PPP2R5C: variants seen among roughly 807,000 people sequenced by gnomAD.
The protein encoded by PPP2R5C is serine/threonine-protein phosphatase 2A 56 kDa regulatory subunit gamma isoform.
A neutral mutation model predicts 68.9 loss-of-function variants in PPP2R5C; 7 were observed. The observed-to-expected ratio is 0.10, with a 90% CI of 0.06 to 0.19. The LOEUF is 0.19. Ranked by LOEUF, PPP2R5C falls within the 10% of genes least tolerant of loss-of-function variation. The probability of loss-of-function intolerance (pLI) is 1.00; values close to 1 mark genes in which losing one functional copy is unlikely to be tolerated. For synonymous variants in PPP2R5C, 210 were observed against 222.2 expected (o/e 0.95, Z 0.49); for missense variants, 348 against 641.3 (o/e 0.54, Z 4.94).
chr14:101,884,370 A>T (rs1335472009), intron 5 of PPP2R5C, among the ~76,000 whole-genome samples: 1 of 152,176 alleles, frequency 6.6e-6, no homozygotes, highest in Non-Finnish European at 1.5e-5. Flanking sequence ...CAGGCACAAT[A>T]CTTTGCATCC....
intron 1 of PPP2R5C, among the ~76,000 whole-genome samples, chr14:101,822,328 A>ACAC (rs2040135380): frequency 1.3e-5 from 2 of 152,184 alleles, no homozygotes; most frequent in African/African-American, 4.8e-5. Context: ...AAAGAGAAAA[A>ACAC]CACGAACGAG....
At chr14:101,788,069 ACTC>A (rs2038201619) in intron 3 of PPP2R5C, among the ~76,000 whole-genome samples, 1 of 152,066 alleles carries the variant, frequency 6.6e-6, no homozygotes, top group Non-Finnish European at 1.5e-5. Flanking sequence ...ATAGGTATCA[ACTC>A]CTCCTTCCAG....
intron 1 of PPP2R5C, among the ~76,000 whole-genome samples, chr14:101,815,162 C>T (rs1001633230): frequency 6.6e-6 from 1 of 151,768 alleles, no homozygotes; most frequent in African/African-American, 2.4e-5. Context: ...CCTTTTTTGT[C>T]CCCCCGGGAG....
At chr14:101,794,138 G>T (rs1219607191) in intron 3 of PPP2R5C, among the ~76,000 whole-genome samples, 1 of 152,184 alleles carries the variant, frequency 6.6e-6, no homozygotes, top group African/African-American at 2.4e-5. Flanking sequence ...AGGCTTTTCG[G>T]CTTGAGGCTA....
chr14:101,884,404 C>G (rs1377584501), intron 5 of PPP2R5C, among the ~76,000 whole-genome samples: 1 of 152,230 alleles, frequency 6.6e-6, no homozygotes, highest in African/African-American at 2.4e-5. Context: ...AGTTGACACT[C>G]AGTATTAACC....
At chr14:101,922,247 G>A in intron 13 of PPP2R5C, 1 of 947,272 alleles carries the variant, frequency 1.1e-6, no homozygotes, top group Non-Finnish European at 1.3e-6. Flanking sequence ...CCAGCACTTT[G>A]GGAGGCCGAG....
chr14:101,774,228 G>T (rs972298570), intron 2 of PPP2R5C, among the ~76,000 whole-genome samples: 1 of 152,230 alleles, frequency 6.6e-6, no homozygotes, highest in Non-Finnish European at 1.5e-5. Context: ...TGCTTTAGAG[G>T]CCTTGGCTGG....
intron 1 of PPP2R5C, among the ~76,000 whole-genome samples, chr14:101,838,023 CTTAGAG>C (rs1443911108): frequency 6.6e-6 from 1 of 152,128 alleles, no homozygotes; most frequent in African/African-American, 2.4e-5. Flanking sequence ...AAGGTAATGG[CTTAGAG>C]TTAATGTGTA....
At chr14:101,771,025 C>T (rs1214416246) in intron 2 of PPP2R5C, among the ~76,000 whole-genome samples, 2 of 152,242 alleles carry the variant, frequency 1.3e-5, no homozygotes, top group Admixed American at 6.5e-5. Context: ...TCACCTCACA[C>T]GTTCCTATCA....
chr14:101,774,037 G>A (rs766602028), intron 2 of PPP2R5C, among the ~76,000 whole-genome samples: 1 of 152,222 alleles, frequency 6.6e-6, no homozygotes, highest in Non-Finnish European at 1.5e-5. Flanking sequence ...AAGCCACTGG[G>A]GTGTTTTGAG....
intron 3 of PPP2R5C, among the ~76,000 whole-genome samples, chr14:101,788,800 A>G (rs1425243695): frequency 6.6e-6 from 1 of 152,232 alleles, no homozygotes; most frequent in Non-Finnish European, 1.5e-5. Context: ...GATTGGAATT[A>G]AAGTTATATA....
intron 13 of PPP2R5C, among the ~76,000 whole-genome samples, chr14:101,919,054 G>GC (rs1224723484): frequency 5.3e-5 from 8 of 152,250 alleles, no homozygotes; most frequent in Admixed American, 2.0e-4. Flanking sequence ...TTGAATGAAT[G>GC]CCCCCCATTT....
intron 1 of PPP2R5C, among the ~76,000 whole-genome samples, chr14:101,830,253 A>C (rs1253930997): frequency 6.6e-6 from 1 of 152,244 alleles, no homozygotes; most frequent in Non-Finnish European, 1.5e-5. Flanking sequence ...CATGTTTTAC[A>C]GCCCATATGA....
intron 1 of PPP2R5C, among the ~76,000 whole-genome samples, chr14:101,815,890 G>C (rs1014936813): frequency 6.6e-6 from 1 of 151,982 alleles, no homozygotes; most frequent in African/African-American, 2.4e-5. Flanking sequence ...GGCTGCTCTC[G>C]AACTCCTGAC....
intron 1 of PPP2R5C, among the ~76,000 whole-genome samples, chr14:101,848,631 T>A (rs2041976192): frequency 6.6e-6 from 1 of 151,602 alleles, no homozygotes; most frequent in Non-Finnish European, 1.5e-5. Flanking sequence ...AGTTTAGAGG[T>A]CGTCGGTGTT....
At chr14:101,840,097 A>G (rs1017064487) in intron 1 of PPP2R5C, among the ~76,000 whole-genome samples, 1 of 152,222 alleles carries the variant, frequency 6.6e-6, no homozygotes, top group African/African-American at 2.4e-5. Flanking sequence ...ACACAGAGCG[A>G]AAGATTTCAT....
intron 2 of PPP2R5C, among the ~76,000 whole-genome samples, chr14:101,770,649 T>G (rs1391664234): frequency 6.6e-6 from 1 of 152,200 alleles, no homozygotes; most frequent in Non-Finnish European, 1.5e-5. Flanking sequence ...CTCTCCCTCT[T>G]CAGTAAAAGC....
At chr14:101,771,771 T>C (rs2037161952) in intron 2 of PPP2R5C, among the ~76,000 whole-genome samples, 1 of 152,036 alleles carries the variant, frequency 6.6e-6, no homozygotes, top group Non-Finnish European at 1.5e-5. Context: ...TAATTTCAGA[T>C]ACCCTGCAGC....
rs2037438453 is a variant in PPP2R5C at position 101,776,713 on chromosome 14, TC to T, written c.94-9300del. Among the ~76,000 whole-genome samples the T allele has an allele frequency of 3.3e-5, 5 of 152,036 alleles. No individual in the cohort carries two copies. The Middle Eastern group carries it at 0.017, about 517-fold the overall frequency. The stretch of plus-strand genomic sequence containing the variant: ...ACCAGCAGTCACTCCTCACTCCCCT[TC>T]CCCCAGCCTCTAGCAGCTACCAGTC... On this transcript the variant is annotated intron_variant, in intron 2 of 14. Transcript: ENST00000328724.
Sources: allele counts gnomAD v4.1 joint callset (sites outside exome capture counted in the v4.1 genomes callset), GRCh38; gene constraint gnomAD v4.1.1; transcripts MANE v1.5; gene names NCBI Gene and HGNC (gene_info 2026-07-23, HGNC 2026-07-21).